The following RBFOX1 variants were observed in gnomAD, a reference collection of about 807,000 sequenced individuals.
RBFOX1 encodes the protein RNA binding fox-1 homolog 1, also known as RNA binding protein fox-1 homolog 1.
Under a neutral mutation model 57.7 loss-of-function variants are expected in RBFOX1, and 8 were observed. The ratio of observed to expected loss-of-function variants is 0.14; its 90% confidence interval spans 0.08 to 0.25. The LOEUF (loss-of-function observed/expected upper bound fraction) is 0.25. Ranked by LOEUF, RBFOX1 falls within the 10% of genes least tolerant of loss-of-function variation. The probability of loss-of-function intolerance (pLI) is 1.00; values close to 1 mark genes in which losing one functional copy is unlikely to be tolerated. For missense variants in RBFOX1, 611 were observed against 548.5 expected (o/e 1.11, Z -1.14); for synonymous variants, 326 against 222.4 (o/e 1.47, Z -4.15).
chr16:6,227,060 G>T (rs185875547), intron 1 of RBFOX1, among the ~76,000 whole-genome samples: 20 of 152,068 alleles, frequency 1.3e-4, no homozygotes, highest in East Asian at 3.9e-4. Context: ...GGAGGCAGAG[G>T]TTGCAGTGAG....
intron 5 of RBFOX1, among the ~76,000 whole-genome samples, chr16:7,524,559 A>C (rs1380180602): frequency 6.6e-6 from 1 of 152,138 alleles, no homozygotes; most frequent in Non-Finnish European, 1.5e-5. Context: ...CTTAACTTCT[A>C]TTTTTAACGC....
At chr16:6,842,328 A>G (rs2093521061) in intron 3 of RBFOX1, among the ~76,000 whole-genome samples, 1 of 152,126 alleles carries the variant, frequency 6.6e-6, no homozygotes, top group Non-Finnish European at 1.5e-5. Context: ...GAGAAACAAC[A>G]CATACACATC....
intron 4 of RBFOX1, among the ~76,000 whole-genome samples, chr16:7,494,733 C>G (rs775298606): frequency 6.6e-6 from 1 of 151,972 alleles, no homozygotes; most frequent in African/African-American, 2.4e-5. Context: ...GAACAACAGG[C>G]CTTCTGAGTC....
At chr16:6,621,686 C>G (rs1316321785) in intron 2 of RBFOX1, among the ~76,000 whole-genome samples, 1 of 152,170 alleles carries the variant, frequency 6.6e-6, no homozygotes, top group Non-Finnish European at 1.5e-5. Flanking sequence ...GCAAACAGAG[C>G]AAACCCCAGA....
chr16:7,496,947 G>A (rs2068869425), intron 4 of RBFOX1, among the ~76,000 whole-genome samples: 1 of 152,012 alleles, frequency 6.6e-6, no homozygotes, highest in Non-Finnish European at 1.5e-5. Context: ...CTGAGAGTGA[G>A]CCTCTGGTTT....
chr16:6,461,768 G>A (rs2094926692), intron 2 of RBFOX1, among the ~76,000 whole-genome samples: 2 of 152,068 alleles, frequency 1.3e-5, no homozygotes, highest in Non-Finnish European at 2.9e-5. Context: ...ATGGAGGGCT[G>A]TTCTGTTTAA....
chr16:5,860,458 G>T (rs931516144), intron 3 of RBFOX1, among the ~76,000 whole-genome samples: 1 of 152,192 alleles, frequency 6.6e-6, no homozygotes, highest in Non-Finnish European at 1.5e-5. Flanking sequence ...ATTGGTTCAA[G>T]AAAAGAGTTG....
intron 1 of RBFOX1, among the ~76,000 whole-genome samples, chr16:6,218,938 A>G (rs2097353966): frequency 6.6e-6 from 1 of 151,998 alleles, no homozygotes; most frequent in African/African-American, 2.4e-5. Context: ...ATAGGGTATT[A>G]ACTGTGGTTT....
intron 1 of RBFOX1, among the ~76,000 whole-genome samples, chr16:6,180,308 A>C (rs2097052784): frequency 6.6e-6 from 1 of 152,092 alleles, no homozygotes; most frequent in South Asian, 2.1e-4. Context: ...TTTGCTTGGT[A>C]TAGGCTTATT....
intron 2 of RBFOX1, among the ~76,000 whole-genome samples, chr16:6,442,498 A>C (rs1338804365): frequency 6.6e-6 from 1 of 152,058 alleles, no homozygotes; most frequent in South Asian, 2.1e-4. Flanking sequence ...CGGAGGTTGC[A>C]GTGAGCTGAG....
rs568032615 is a variant in RBFOX1, at chr16:7,360,566, C to G, written c.28-157581C>G. Among the ~76,000 whole-genome samples the G allele has an allele frequency of 7.2e-4, 109 of 152,268 alleles. 1 individual carries two copies. In the South Asian group the frequency reaches 0.021, roughly 29 times the overall value. ...GGTGGCCTGAGGACCAAGCCTGTGC[C>G]TAGGGAAGTGAGGTGTTTGAAAGGA... On this transcript the variant is annotated intron_variant, in intron 4 of 15. Coordinates refer to ENST00000550418, the MANE Select transcript of RBFOX1 (RefSeq NM_018723.4).
chr16:5,871,050 G>C (rs185275372), intron 4 of RBFOX1, among the ~76,000 whole-genome samples: 10 of 152,236 alleles, frequency 6.6e-5, no homozygotes, highest in Admixed American at 4.6e-4. Flanking sequence ...AATAACGTTT[G>C]CTAAATCTGG....
intron 4 of RBFOX1, among the ~76,000 whole-genome samples, chr16:7,475,655 C>G (rs908128890): frequency 4.6e-5 from 7 of 152,056 alleles, no homozygotes; most frequent in African/African-American, 1.4e-4. Flanking sequence ...GATCATGTTT[C>G]TGGCATCCAA....
At chr16:7,208,245 T>C (rs1019115196) in intron 4 of RBFOX1, among the ~76,000 whole-genome samples, 1 of 152,212 alleles carries the variant, frequency 6.6e-6, no homozygotes, top group African/African-American at 2.4e-5. Context: ...CCAATTCATA[T>C]GTTGAAATCC....
intron 4 of RBFOX1, among the ~76,000 whole-genome samples, chr16:5,943,210 C>T (rs541881617): frequency 6.6e-6 from 1 of 152,290 alleles, no homozygotes; most frequent in South Asian, 2.1e-4. Flanking sequence ...CACCTGCATT[C>T]ACATCATCTG....
intron 1 of RBFOX1, among the ~76,000 whole-genome samples, chr16:6,233,830 C>G (rs1277894644): frequency 1.3e-5 from 2 of 152,164 alleles, no homozygotes; most frequent in Admixed American, 1.3e-4. Flanking sequence ...ATGTGGTTCA[C>G]TCTCTCTGGA....
chr16:5,935,141 C>G (rs1444757445), intron 4 of RBFOX1, among the ~76,000 whole-genome samples: 2 of 152,232 alleles, frequency 1.3e-5, no homozygotes, highest in Non-Finnish European at 1.5e-5. Flanking sequence ...AGGCTTGTGT[C>G]TATTTCCTAT....
At chr16:7,408,457 G>A (rs563887021) in intron 4 of RBFOX1, among the ~76,000 whole-genome samples, 11 of 152,294 alleles carry the variant, frequency 7.2e-5, no homozygotes, top group Middle Eastern at 3.4e-3. Context: ...AAAATATTCC[G>A]TAAATATCCT....
chr16:7,028,609 C>CAAAA (rs869138217), intron 3 of RBFOX1, among the ~76,000 whole-genome samples: 6 of 45,426 alleles, frequency 1.3e-4, no homozygotes, highest in South Asian at 1.3e-3. Context: ...CACACACACA[C>CAAAA]AAAAAAAAAA....
Sources: gnomAD v4.1 joint callset for allele counts (sites outside exome capture counted in the v4.1 genomes callset) on GRCh38, gnomAD v4.1.1 for gene constraint, MANE v1.5 for transcripts, NCBI Gene and HGNC (gene_info 2026-07-23, HGNC 2026-07-21) for gene names.